The following ASIC2 variants were observed in gnomAD, a reference collection of about 807,000 sequenced individuals.
The protein encoded by ASIC2 is acid-sensing ion channel 2.
In ASIC2, 25 loss-of-function variants were observed where a neutral mutation model predicts 57.3. The observed-to-expected ratio is 0.44, with a 90% CI of 0.32 to 0.61. The LOEUF (loss-of-function observed/expected upper bound fraction) is 0.61, where lower values mean the gene tolerates loss of function less well. ASIC2 is among the 20% of genes least tolerant of loss of function. ASIC2 has a pLI of 0.06. For synonymous variants in ASIC2, 319 were observed against 307.5 expected, an observed-to-expected ratio of 1.04 and a Z score of -0.39; for missense variants, 641 against 738.1, an observed-to-expected ratio of 0.87 and a Z score of 1.52.
intron 1 of ASIC2, among the ~76,000 whole-genome samples, chr17:33,406,026 T>TG (rs34229973): frequency 0.24 from 36,376 of 151,792 alleles, 4,887 homozygotes; most frequent in East Asian, 0.66. Flanking sequence ...GCTCTTTCCA[T>TG]GAAAAAAAAC....
chr17:33,053,716 C>T (rs567672151), intron 3 of ASIC2, among the ~76,000 whole-genome samples: 54 of 152,332 alleles, frequency 3.5e-4, no homozygotes, highest in African/African-American at 1.3e-3. Context: ...CTCTGATGGG[C>T]CTTCCTACCT....
intron 1 of ASIC2, among the ~76,000 whole-genome samples, chr17:33,862,139 A>G (rs1490961378): frequency 6.6e-6 from 1 of 152,204 alleles, no homozygotes; most frequent in Non-Finnish European, 1.5e-5. Flanking sequence ...AAGAGGCCCC[A>G]TCCTTCAATG....
intron 1 of ASIC2, among the ~76,000 whole-genome samples, chr17:33,113,979 T>C (rs949354471): frequency 1.3e-5 from 2 of 152,224 alleles, no homozygotes; most frequent in Non-Finnish European, 2.9e-5. Flanking sequence ...TTCTCATCAG[T>C]CCATCAATAT....
chr17:33,842,083 G>A (rs562989286), intron 1 of ASIC2, among the ~76,000 whole-genome samples: 1 of 152,190 alleles, frequency 6.6e-6, no homozygotes, highest in African/African-American at 2.4e-5. Context: ...GTCCAGTGGT[G>A]GTGGGCTGGA....
chr17:33,651,649 C>T (rs1427568279), intron 1 of ASIC2, among the ~76,000 whole-genome samples: 3 of 152,224 alleles, frequency 2.0e-5, no homozygotes, highest in African/African-American at 7.2e-5. Flanking sequence ...CCCATGCTCG[C>T]ACTTCTGCAC....
intron 1 of ASIC2, among the ~76,000 whole-genome samples, chr17:33,802,897 A>G (rs1318557128): frequency 6.6e-6 from 1 of 151,580 alleles, no homozygotes; most frequent in Non-Finnish European, 1.5e-5. Flanking sequence ...CTTTGAAGAA[A>G]CTCCAGCAAT....
intron 1 of ASIC2, among the ~76,000 whole-genome samples, chr17:33,486,770 G>A (rs1457345567): frequency 2.0e-5 from 3 of 152,218 alleles, no homozygotes; most frequent in Non-Finnish European, 4.4e-5. Flanking sequence ...CAGGATGGGG[G>A]AATGTGCTAC....
chr17:33,495,977 G>A (rs908454443), intron 1 of ASIC2, among the ~76,000 whole-genome samples: 3 of 152,152 alleles, frequency 2.0e-5, no homozygotes, highest in African/African-American at 7.2e-5. Flanking sequence ...AAGGGAAGGA[G>A]ACCATCAATG....
chr17:34,135,631 A>C (rs1230056354), intron 1 of ASIC2, among the ~76,000 whole-genome samples: 1 of 152,134 alleles, frequency 6.6e-6, no homozygotes, highest in Admixed American at 6.5e-5. Flanking sequence ...TTACACCTTG[A>C]TTAATTCTTT....
At chr17:33,575,577 G>A (rs1005589980) in intron 1 of ASIC2, among the ~76,000 whole-genome samples, 1 of 152,190 alleles carries the variant, frequency 6.6e-6, no homozygotes, top group Non-Finnish European at 1.5e-5. Context: ...GCCTACCTAT[G>A]GTTTGTCCTC....
chr17:33,478,949 T>C (rs1913315984), intron 1 of ASIC2, among the ~76,000 whole-genome samples: 1 of 152,212 alleles, frequency 6.6e-6, no homozygotes, highest in Non-Finnish European at 1.5e-5. Context: ...ATAATACTGT[T>C]AGGAAGTACA....
chr17:33,446,311 A>G (rs1912016137), intron 1 of ASIC2, among the ~76,000 whole-genome samples: 1 of 152,158 alleles, frequency 6.6e-6, no homozygotes, highest in Non-Finnish European at 1.5e-5. Flanking sequence ...TCCCTGTTAC[A>G]ATAGCAGGGA....
At chr17:34,130,794 T>G (rs1163140812) in intron 1 of ASIC2, among the ~76,000 whole-genome samples, 1 of 152,208 alleles carries the variant, frequency 6.6e-6, no homozygotes, top group Non-Finnish European at 1.5e-5. Context: ...GAGCAGATGC[T>G]CAACAAATGC....
intron 1 of ASIC2, among the ~76,000 whole-genome samples, chr17:33,179,648 C>G (rs776194490): frequency 1.3e-5 from 2 of 152,160 alleles, no homozygotes; most frequent in African/African-American, 4.8e-5. Context: ...TCCTTACAAC[C>G]CCACAGGTAG....
chr17:33,052,916 G>C lies in ASIC2; in HGVS notation c.988-24524C>G, dbSNP rs551548411. On this transcript the variant is annotated intron_variant, in intron 3 of 9. Coordinates refer to ENST00000225823, the MANE Select transcript of ASIC2 (RefSeq NM_183377.2). The stretch of plus-strand genomic sequence containing the variant: ...AAGTGATGTGGGATCCCCTGACTGA[G>C]TAGATGTGCTCTCTCTTTTACCAGT... 16 of 152,268 alleles carry C rather than the reference G, an allele frequency of 1.1e-4. No individual in the cohort carries two copies. The East Asian group carries it at 2.5e-3, about 24-fold the overall frequency. The allele number at this position is 152,268 out of a possible 1,614,324, so 9.4% of individuals were successfully genotyped here.
At chr17:33,452,933 C>T (rs1390907811) in intron 1 of ASIC2, among the ~76,000 whole-genome samples, 1 of 151,844 alleles carries the variant, frequency 6.6e-6, no homozygotes, top group East Asian at 1.9e-4. Flanking sequence ...GCTCTACATG[C>T]CAGTATTTAG....
chr17:34,144,274 T>C (rs1251701384), intron 1 of ASIC2, among the ~76,000 whole-genome samples: 1 of 152,216 alleles, frequency 6.6e-6, no homozygotes, highest in African/African-American at 2.4e-5. Context: ...ATTAACAGGT[T>C]TTGTAAGCTA....
intron 1 of ASIC2, among the ~76,000 whole-genome samples, chr17:33,624,641 C>A (rs972399125): frequency 3.9e-5 from 6 of 152,172 alleles, no homozygotes; most frequent in Non-Finnish European, 8.8e-5. Flanking sequence ...GCTTTGCTGC[C>A]AAGTAGTTGT....
chr17:33,403,588 A>T (rs1279916506), intron 1 of ASIC2, among the ~76,000 whole-genome samples: 1 of 152,234 alleles, frequency 6.6e-6, no homozygotes, highest in African/African-American at 2.4e-5. Flanking sequence ...TGTTTGGTGG[A>T]ATTGGCTACA....
Sources: gnomAD v4.1 joint callset for allele counts (sites outside exome capture counted in the v4.1 genomes callset) on GRCh38, gnomAD v4.1.1 for gene constraint, MANE v1.5 for transcripts, NCBI Gene and HGNC (gene_info 2026-07-23, HGNC 2026-07-21) for gene names.